The following RBFOX1 variants were observed in gnomAD, a reference collection of about 807,000 sequenced individuals.
The protein encoded by RBFOX1 is RNA binding fox-1 homolog 1, also known as RNA binding protein fox-1 homolog 1.
RBFOX1 carries 8 observed loss-of-function variants against 57.7 expected under a neutral mutation model. That is an observed-to-expected ratio of 0.14 (90% CI 0.08 to 0.25). The LOEUF (loss-of-function observed/expected upper bound fraction) is 0.25, where lower values mean the gene tolerates loss of function less well. Ranked by LOEUF, RBFOX1 falls within the 10% of genes least tolerant of loss-of-function variation. The pLI is 1.00. For synonymous variants in RBFOX1, 326 were observed against 222.4 expected, an observed-to-expected ratio of 1.47 and a Z score of -4.15; for missense variants, 611 against 548.5, an observed-to-expected ratio of 1.11 and a Z score of -1.14.
At chr16:7,096,931 C>CAAA (rs59519427) in intron 4 of RBFOX1, among the ~76,000 whole-genome samples, 6,524 of 68,646 alleles carry the variant, frequency 0.095, 615 homozygotes, top group South Asian at 0.12. Flanking sequence ...GACTCCATCT[C>CAAA]AAAAAAAAAA....
At chr16:5,260,757 G>C (rs2062712726) in intron 1 of RBFOX1, 1 of 152,218 alleles carries the variant, frequency 6.6e-6, no homozygotes, top group Non-Finnish European at 1.5e-5. Context: ...TCCTTTTGCT[G>C]TTTTCTTGAG....
At chr16:5,962,818 GTTTTT>G (rs55961605) in intron 4 of RBFOX1, among the ~76,000 whole-genome samples, 1 of 135,380 alleles carries the variant, frequency 7.4e-6, no homozygotes, top group African/African-American at 2.7e-5. Context: ...TGAGGGTTTG[GTTTTT>G]TTTTTTTTTT....
chr16:7,038,543 A>G (rs1279697570), intron 3 of RBFOX1, among the ~76,000 whole-genome samples: 1 of 152,188 alleles, frequency 6.6e-6, no homozygotes, highest in African/African-American at 2.4e-5. Context: ...AAGGTATCAG[A>G]TGCCAAGACA....
chr16:5,657,486 C>G (rs79759275), intron 3 of RBFOX1, among the ~76,000 whole-genome samples: 1 of 152,014 alleles, frequency 6.6e-6, no homozygotes, highest in African/African-American at 2.4e-5. Flanking sequence ...CCTGACAGCC[C>G]GACTCTAGGG....
At chr16:5,698,295 G>T (rs1423128875) in intron 3 of RBFOX1, among the ~76,000 whole-genome samples, 2 of 152,028 alleles carry the variant, frequency 1.3e-5, no homozygotes, top group Non-Finnish European at 2.9e-5. Flanking sequence ...ATTATATAAG[G>T]TAGAAAGTTA....
chr16:7,529,325 C>T (rs1206744618), intron 5 of RBFOX1, among the ~76,000 whole-genome samples: 1 of 152,182 alleles, frequency 6.6e-6, no homozygotes, highest in Non-Finnish European at 1.5e-5. Flanking sequence ...AAGTAACATC[C>T]ATGCTTAGAG....
At chr16:7,463,261 T>G (rs915629851) in intron 4 of RBFOX1, among the ~76,000 whole-genome samples, 2 of 152,168 alleles carry the variant, frequency 1.3e-5, no homozygotes, top group African/African-American at 2.4e-5. Flanking sequence ...CCCAGCACTT[T>G]GGGAGGCCAT....
At chr16:5,241,908 C>G (rs980263479) in intron 1 of RBFOX1, among the ~76,000 whole-genome samples, 7 of 151,790 alleles carry the variant, frequency 4.6e-5, no homozygotes, top group African/African-American at 1.7e-4. Flanking sequence ...TAAGACCAGC[C>G]TGGGCAACGT....
At chr16:6,411,074 C>G (rs1323712504) in intron 2 of RBFOX1, among the ~76,000 whole-genome samples, 1 of 152,122 alleles carries the variant, frequency 6.6e-6, no homozygotes, top group Non-Finnish European at 1.5e-5. Flanking sequence ...AGTATTATTC[C>G]CCTACTCTGA....
chr16:7,456,442 C>G (rs1201767723), intron 4 of RBFOX1, among the ~76,000 whole-genome samples: 1 of 152,200 alleles, frequency 6.6e-6, no homozygotes, highest in African/African-American at 2.4e-5. Context: ...AAGTACTCAG[C>G]TGAAAAGCTG....
At chr16:5,957,516 T>A (rs1163612851) in intron 4 of RBFOX1, among the ~76,000 whole-genome samples, 1 of 152,164 alleles carries the variant, frequency 6.6e-6, no homozygotes, top group East Asian at 1.9e-4. Flanking sequence ...TGAGTCGCCT[T>A]GCCCAGCCAT....
intron 2 of RBFOX1, among the ~76,000 whole-genome samples, chr16:6,340,282 G>A (rs1296396251): frequency 6.6e-6 from 1 of 152,126 alleles, no homozygotes; most frequent in Non-Finnish European, 1.5e-5. Flanking sequence ...GGAGAGTTAG[G>A]CCTAGCTCAC....
intron 2 of RBFOX1, among the ~76,000 whole-genome samples, chr16:6,607,619 C>T (rs979339104): frequency 2.6e-5 from 4 of 151,576 alleles, no homozygotes; most frequent in Non-Finnish European, 2.9e-5. Context: ...CTTTCTCTCT[C>T]TTCTTCCTCC....
chr16:5,902,066 T>G (rs1042450647), intron 4 of RBFOX1, among the ~76,000 whole-genome samples: 3 of 152,264 alleles, frequency 2.0e-5, no homozygotes, highest in Non-Finnish European at 2.9e-5. Flanking sequence ...TGCATGTTTC[T>G]TGAATGAATT....
At chr16:6,226,737 C>T (rs191709205) in intron 1 of RBFOX1, among the ~76,000 whole-genome samples, 1 of 152,030 alleles carries the variant, frequency 6.6e-6, no homozygotes, top group Admixed American at 6.6e-5. Context: ...GGCTTTGACC[C>T]TCACTTTCTT....
At chr16:6,943,203 G>A (rs929636516) in intron 3 of RBFOX1, among the ~76,000 whole-genome samples, 3 of 152,174 alleles carry the variant, frequency 2.0e-5, no homozygotes, top group East Asian at 3.9e-4. Flanking sequence ...AATGGGAACT[G>A]CTTTGCCTAT....
At chr16:5,730,738 T>G (rs919586618) in intron 3 of RBFOX1, among the ~76,000 whole-genome samples, 1 of 151,948 alleles carries the variant, frequency 6.6e-6, no homozygotes, top group Admixed American at 6.6e-5. Flanking sequence ...ACCATCAACA[T>G]TGCCACCATC....
chr16:7,017,778 C>G (rs2093988474), intron 3 of RBFOX1, among the ~76,000 whole-genome samples: 1 of 152,154 alleles, frequency 6.6e-6, no homozygotes, highest in Admixed American at 6.6e-5. Context: ...AATTATCACC[C>G]TCTGGGAAAA....
At chr16:7,527,172 C>T (rs115306432) in intron 5 of RBFOX1, among the ~76,000 whole-genome samples, 1,947 of 152,246 alleles carry the variant, frequency 0.013, 32 homozygotes, top group African/African-American at 0.044. Flanking sequence ...TTCTATTTTC[C>T]TAAAATTCAC....
Sources: allele counts gnomAD v4.1 joint callset (sites outside exome capture counted in the v4.1 genomes callset), GRCh38; gene constraint gnomAD v4.1.1; transcripts MANE v1.5; gene names NCBI Gene and HGNC (gene_info 2026-07-23, HGNC 2026-07-21).